Variants in PLD5 observed in about 807,000 individuals in gnomAD.
PLD5 encodes phospholipase D family member 5.
In PLD5, 36 loss-of-function variants were observed where a neutral mutation model predicts 61.1. That is an observed-to-expected ratio of 0.59 (90% confidence interval 0.45 to 0.78). The LOEUF is 0.78. PLD5 is among the 30% of genes least tolerant of loss of function. The pLI is 0.00. For missense variants in PLD5, 515 were observed against 644.4 expected (o/e 0.80, Z 2.17); for synonymous variants, 243 against 242.8 (o/e 1.00, Z -0.01).
upstream of PLD5, among the ~76,000 whole-genome samples, chr1:242,529,001 C>G (rs1170914316): frequency 6.6e-6 from 1 of 152,188 alleles, no homozygotes; most frequent in Non-Finnish European, 1.5e-5. Context: ...TTATACTATA[C>G]AAGACCACAT....
intron 1 of PLD5, among the ~76,000 whole-genome samples, chr1:242,474,692 A>G (rs1317996494): frequency 4.6e-5 from 7 of 152,170 alleles, no homozygotes; most frequent in Non-Finnish European, 1.0e-4. Flanking sequence ...TCTCTGCAGT[A>G]TCATCACTTC....
At chr1:242,281,550 T>C (rs567287047) in intron 3 of PLD5, among the ~76,000 whole-genome samples, 12 of 152,324 alleles carry the variant, frequency 7.9e-5, no homozygotes, top group South Asian at 4.1e-4. Flanking sequence ...CGTGCAAATA[T>C]AGACTGTGGT....
At chr1:242,457,326 T>C (rs1056484972) in intron 1 of PLD5, among the ~76,000 whole-genome samples, 2 of 152,214 alleles carry the variant, frequency 1.3e-5, no homozygotes, top group Admixed American at 6.5e-5. Flanking sequence ...TAAGGAGTTG[T>C]CTACCCCTCA....
At chr1:242,390,128 A>C (rs1196343) in intron 1 of PLD5, among the ~76,000 whole-genome samples, 2 of 134,342 alleles carry the variant, frequency 1.5e-5, no homozygotes, top group Non-Finnish European at 3.3e-5. Flanking sequence ...GCGCCATCTC[A>C]GCTCACTGCA....
At chr1:242,183,645 C>T (rs780442020) in intron 5 of PLD5, among the ~76,000 whole-genome samples, 1 of 152,172 alleles carries the variant, frequency 6.6e-6, no homozygotes, top group Non-Finnish European at 1.5e-5. Flanking sequence ...CCTGTAATCC[C>T]AGCACTTTGG....
At chr1:242,459,920 T>C (rs55752818) in intron 1 of PLD5, among the ~76,000 whole-genome samples, 41,148 of 152,080 alleles carry the variant, frequency 0.27, 5,734 homozygotes, top group Non-Finnish European at 0.3. Flanking sequence ...CTCTTCTAGG[T>C]CTCTTTAGGG....
At chr1:242,262,296 C>T (rs908496155) in intron 4 of PLD5, among the ~76,000 whole-genome samples, 11 of 152,130 alleles carry the variant, frequency 7.2e-5, no homozygotes, top group African/African-American at 1.4e-4. Flanking sequence ...GTTCCCTCTG[C>T]GGAGGGCACT....
rs1370113177 is a variant in PLD5, at chr1:242,304,192, C to T, written c.327-15662G>A. Among the ~76,000 whole-genome samples, 10 of 152,266 alleles carry T rather than the reference C, an allele frequency of 6.6e-5. No homozygotes were observed. The South Asian group carries it at 1.7e-3, about 25-fold the overall frequency. ...ATTAAAGCTGCCATTACCTCCAGAA[C>T]CAAAAAATGATGTTCAAAAGCATAA... On this transcript the variant is annotated intron_variant, in intron 2 of 9. Transcript: ENST00000536534.
Position 242,165,576 on chromosome 1 carries a change from T to TCTGA in PLD5, c.736-40915_736-40912dup, listed in dbSNP as rs371808616. 1.9e-3 allele frequency among the ~76,000 whole-genome samples: 286 copies of TCTGA among 152,328 alleles called. 1 individual carries two copies. Among genetic ancestry groups the TCTGA allele is most frequent in the African/African-American group, 6.5e-3 (269 of 41,582 alleles). On this transcript the variant is annotated intron_variant, in intron 5 of 9. Coordinates refer to ENST00000536534, the MANE Select transcript of PLD5 (RefSeq NM_001372062.1). ...CCAATGAACAACCCTTAGATTCTAT[T>TCTGA]CTGACTGATAGGTGTGATTAAGGAA...
chr1:242,342,569 C>T (rs1442615554), intron 2 of PLD5, among the ~76,000 whole-genome samples: 1 of 152,202 alleles, frequency 6.6e-6, no homozygotes, highest in Admixed American at 6.5e-5. Context: ...TTTGAACTTT[C>T]CTTACCTGTC....
At chr1:242,329,916 GCTA>G (rs1386048535) in intron 2 of PLD5, among the ~76,000 whole-genome samples, 5 of 152,144 alleles carry the variant, frequency 3.3e-5, no homozygotes, top group Admixed American at 6.5e-5. Context: ...AGATCAACCG[GCTA>G]CTAAGGGACT....
At chr1:242,484,120 A>G (rs1422717948) in intron 1 of PLD5, among the ~76,000 whole-genome samples, 1 of 152,226 alleles carries the variant, frequency 6.6e-6, no homozygotes, top group East Asian at 1.9e-4. Flanking sequence ...AAGATCCAAA[A>G]TTGACACCCT....
intron 5 of PLD5, among the ~76,000 whole-genome samples, chr1:242,138,715 G>T (rs1663936100): frequency 6.6e-6 from 1 of 152,200 alleles, no homozygotes; most frequent in African/African-American, 2.4e-5. Context: ...CTCACGTGGG[G>T]CTACATCCCA....
intron 4 of PLD5, among the ~76,000 whole-genome samples, chr1:242,246,725 G>T (rs4658791): frequency 0.51 from 77,380 of 151,358 alleles, 20,438 homozygotes; most frequent in Admixed American, 0.65. Context: ...AATCAAACTC[G>T]GTAAAGTATT....
chr1:242,250,680 A>T lies in PLD5; in HGVS notation c.607+14657T>A, dbSNP rs368629218. Reference sequence around the variant, plus strand: ...ATCCTAATACATAATAAAATAATACATTCAAATAAAACATTCAGCAAGCCG... The same window carrying T: ...ATCCTAATACATAATAAAATAATACTTTCAAATAAAACATTCAGCAAGCCG... On this transcript the variant is annotated intron_variant, in intron 4 of 9. Coordinates refer to ENST00000536534, the MANE Select transcript of PLD5 (RefSeq NM_001372062.1). Among the ~76,000 whole-genome samples the T allele has an allele frequency of 5.1e-4, 77 of 152,356 alleles. No homozygotes were observed. The South Asian group carries it at 0.015, about 29-fold the overall frequency.
intron 3 of PLD5, among the ~76,000 whole-genome samples, chr1:242,274,670 C>T (rs1337415846): frequency 6.6e-6 from 1 of 152,012 alleles, no homozygotes. Context: ...AGGAGAATGG[C>T]GTGAACCCGG....
At chr1:242,152,100 T>TA (rs1664972498) in intron 5 of PLD5, among the ~76,000 whole-genome samples, 1 of 151,996 alleles carries the variant, frequency 6.6e-6, no homozygotes, top group African/African-American at 2.4e-5. Context: ...CTCCCTGGGA[T>TA]AAAATCAAGG....
intron 1 of PLD5, among the ~76,000 whole-genome samples, chr1:242,409,081 G>T (rs866764938): frequency 7.2e-6 from 1 of 139,232 alleles, no homozygotes; most frequent in African/African-American, 3.3e-5. Flanking sequence ...AAAAAGAAAA[G>T]AAAAGAAAAG....
chr1:242,324,196 G>A (rs939309223), intron 2 of PLD5, among the ~76,000 whole-genome samples: 2 of 152,062 alleles, frequency 1.3e-5, no homozygotes, highest in African/African-American at 4.8e-5. Flanking sequence ...ATGACAGCCG[G>A]TTAAAATGTA....
Sources: gnomAD v4.1 joint callset for allele counts (sites outside exome capture counted in the v4.1 genomes callset) on GRCh38, gnomAD v4.1.1 for gene constraint, MANE v1.5 for transcripts, NCBI Gene and HGNC (gene_info 2026-07-23, HGNC 2026-07-21) for gene names.